SEL1L2: variants seen among roughly 807,000 people sequenced by gnomAD.
The protein encoded by SEL1L2 is protein sel-1 homolog 2.
In SEL1L2, 89 loss-of-function variants were observed where a neutral mutation model predicts 98.8. The ratio of observed to expected loss-of-function variants is 0.90; its 90% CI spans 0.76 to 1.07. The LOEUF (loss-of-function observed/expected upper bound fraction) is 1.07. Among genes scored for constraint, SEL1L2 ranks in the 50% least tolerant of loss-of-function variants. The pLI, the probability that SEL1L2 is intolerant of heterozygous loss-of-function variation, is 0.00. For synonymous variants in SEL1L2, 262 were observed against 278.5 expected (o/e 0.94, Z 0.59); for missense variants, 788 against 812.0 (o/e 0.97, Z 0.36).
In SEL1L2 at chr20:13,939,353, G is replaced by A. The variant is rs549965482; in HGVS notation, c.115-7582C>T. Among the ~76,000 whole-genome samples the A allele has an allele frequency of 5.3e-5, 8 of 151,796 alleles. No individual in the cohort carries two copies. In the East Asian group the frequency reaches 9.7e-4, roughly 18 times the overall value. On this transcript the variant is annotated intron_variant, in intron 2 of 19. Coordinates refer to ENST00000284951, the MANE Select transcript of SEL1L2 (RefSeq NM_025229.2). ...CCACCACGCCTGGCCAAAATATAGT[G>A]TTTTTTAATCTCTTAAGCAGAATAT... is the stretch of plus-strand genomic sequence containing the variant.
At chr20:13,914,065 G>A in intron 4 of SEL1L2, 121 bp from the exon 5 acceptor site, 2 of 819,380 alleles carry the variant, frequency 2.4e-6, no homozygotes, top group Admixed American at 3.7e-5. Context: ...CAGTTTAGCT[G>A]AAGTTCATTA....
At chr20:13,867,732 T>TGAGTTAAAACAC (rs2045993397) in intron 14 of SEL1L2, among the ~76,000 whole-genome samples, 1 of 152,106 alleles carries the variant, frequency 6.6e-6, no homozygotes, top group Non-Finnish European at 1.5e-5. Flanking sequence ...AGTTAAAACA[T>TGAGTTAAAACAC]ACGAAGACTT....
intron 1 of SEL1L2, among the ~76,000 whole-genome samples, chr20:13,973,824 G>T (rs568294817): frequency 1.3e-5 from 2 of 152,220 alleles, no homozygotes; most frequent in Non-Finnish European, 2.9e-5. Context: ...TAGTTCTAGG[G>T]TTGGGGTGCC....
At chr20:13,952,816 G>T (rs930657932) in intron 2 of SEL1L2, among the ~76,000 whole-genome samples, 2 of 152,134 alleles carry the variant, frequency 1.3e-5, no homozygotes, top group Admixed American at 6.5e-5. Flanking sequence ...AGATCACGAG[G>T]TCAAAAGATC....
intron 3 of SEL1L2, among the ~76,000 whole-genome samples, chr20:13,926,004 G>A (rs1351892924): frequency 6.6e-6 from 1 of 152,224 alleles, no homozygotes; most frequent in African/African-American, 2.4e-5. Context: ...CAGATCCTAG[G>A]AGTCAGGGTT....
intron 1 of SEL1L2, among the ~76,000 whole-genome samples, chr20:13,959,753 T>G (rs1346400066): frequency 1.3e-5 from 2 of 152,204 alleles, no homozygotes; most frequent in African/African-American, 4.8e-5. Context: ...ATAAACAAAC[T>G]TATTTCTCCT....
intron 5 of SEL1L2, among the ~76,000 whole-genome samples, chr20:13,888,836 TG>T (rs1328842879): frequency 6.7e-6 from 1 of 148,150 alleles, no homozygotes; most frequent in African/African-American, 2.5e-5. Flanking sequence ...TTAGTAGAGA[TG>T]GGGCTTCACC....
Position 13,939,035 on chromosome 20 carries a change from G to GTTTTTTTTTTTTTTTTTTTTTT in SEL1L2, c.115-7265_115-7264insAAAAAAAAAAAAAAAAAAAAAA, listed in dbSNP as rs779584914. ...TTTTTTCTTTTTGGTTTGTTTGCTT[G>GTTTTTTTTTTTTTTTTTTTTTT]TTTTGTTTTTTTTTTTTTTTTTTTC... On this transcript the variant is annotated intron_variant, in intron 2 of 19. Transcript: ENST00000284951. 6.4e-3 allele frequency among the ~76,000 whole-genome samples: 202 copies of GTTTTTTTTTTTTTTTTTTTTTT among 31,366 alleles called. 3 individuals are homozygous for GTTTTTTTTTTTTTTTTTTTTTT. The highest frequency in any genetic ancestry group is 8.2e-3 in the African/African-American group (76 of 9,266). 20.6% of individuals were successfully genotyped at this position (31,366 alleles called of 152,430 possible).
chr20:13,904,560 A>T (rs1167634289), intron 5 of SEL1L2, among the ~76,000 whole-genome samples: 6 of 151,934 alleles, frequency 3.9e-5, no homozygotes, highest in African/African-American at 7.2e-5. Flanking sequence ...TATATATATA[A>T]ATAAATACTC....
intron 1 of SEL1L2, among the ~76,000 whole-genome samples, chr20:13,966,575 CTCCCAAAGTGCTGGGATT>C (rs777309288): frequency 1.3e-5 from 2 of 152,152 alleles, no homozygotes; most frequent in African/African-American, 2.4e-5. Flanking sequence ...CCACCCCGGC[CTCCCAAAGTGCTGGGATT>C]ACAGGTGTGA....
intron 5 of SEL1L2, among the ~76,000 whole-genome samples, chr20:13,901,635 C>CT (rs1018961284): frequency 2.5e-4 from 37 of 148,284 alleles, no homozygotes; most frequent in Non-Finnish European, 3.7e-4. Context: ...TTTGTGGAAT[C>CT]TTTTTTTTAA....
intron 14 of SEL1L2, among the ~76,000 whole-genome samples, chr20:13,868,996 CTT>C (rs1004053364): frequency 2.1e-5 from 3 of 145,952 alleles, no homozygotes; most frequent in Admixed American, 6.9e-5. Flanking sequence ...CCATTAAGAT[CTT>C]TTTTTTTTTT....
At chr20:13,871,632 C>G (rs1324054366) in intron 12 of SEL1L2, among the ~76,000 whole-genome samples, 1 of 151,934 alleles carries the variant, frequency 6.6e-6, no homozygotes, top group Non-Finnish European at 1.5e-5. Context: ...CTGCCTCAGC[C>G]TCCTGAGTAA....
intron 3 of SEL1L2, among the ~76,000 whole-genome samples, chr20:13,926,263 G>C (rs971788598): frequency 3.3e-5 from 5 of 152,174 alleles, no homozygotes; most frequent in African/African-American, 7.2e-5. Flanking sequence ...TGTAGTGAGC[G>C]GAGATGGCGC....
At chr20:13,909,849 C>T (rs903076445) in intron 5 of SEL1L2, among the ~76,000 whole-genome samples, 1 of 151,894 alleles carries the variant, frequency 6.6e-6, no homozygotes, top group East Asian at 1.9e-4. Context: ...CCCGTAGTTC[C>T]GTTCCAGTTA....
intron 1 of SEL1L2, among the ~76,000 whole-genome samples, chr20:13,973,682 A>G (rs985560764): frequency 6.6e-6 from 1 of 152,178 alleles, no homozygotes; most frequent in Admixed American, 6.5e-5. Context: ...ATTTTTGACT[A>G]TCTACTGCAC....
At chr20:13,908,158 C>T (rs1258647942) in intron 5 of SEL1L2, among the ~76,000 whole-genome samples, 1 of 125,006 alleles carries the variant, frequency 8.0e-6, no homozygotes, top group Non-Finnish European at 1.6e-5. Flanking sequence ...TGCTCTGTTG[C>T]CCAGGCTGGA....
intron 1 of SEL1L2, among the ~76,000 whole-genome samples, chr20:13,982,675 A>T (rs1455838540): frequency 6.6e-6 from 1 of 152,014 alleles, no homozygotes; most frequent in Non-Finnish European, 1.5e-5. Context: ...GATGATCTAG[A>T]GCCAGAACTC....
At chr20:13,872,417 T>C (rs1433200357) in intron 12 of SEL1L2, among the ~76,000 whole-genome samples, 1 of 152,208 alleles carries the variant, frequency 6.6e-6, no homozygotes, top group Non-Finnish European at 1.5e-5. Flanking sequence ...TTTCCCTCTT[T>C]TGCTCGGCAC....
Sources: gnomAD v4.1 joint callset for allele counts (sites outside exome capture counted in the v4.1 genomes callset) on GRCh38, gnomAD v4.1.1 for gene constraint, MANE v1.5 for transcripts, NCBI Gene and HGNC (gene_info 2026-07-23, HGNC 2026-07-21) for gene names.